SEMA3A: variants seen among roughly 807,000 people sequenced by gnomAD.
SEMA3A encodes the protein semaphorin-3A.
SEMA3A carries 29 observed loss-of-function variants against 97.9 expected under a neutral mutation model. That is an observed-to-expected ratio of 0.30 (90% CI 0.22 to 0.40). SEMA3A has a LOEUF of 0.40. Ranked by LOEUF, SEMA3A falls within the 10% of genes least tolerant of loss-of-function variation. SEMA3A has a pLI of 1.00. For synonymous variants in SEMA3A, 321 were observed against 323.7 expected (o/e 0.99, Z 0.09); for missense variants, 763 against 951.3 (o/e 0.80, Z 2.60).
intron 2 of SEMA3A, among the ~76,000 whole-genome samples, chr7:84,347,274 T>C (rs898425339): frequency 3.3e-5 from 5 of 152,138 alleles, no homozygotes; most frequent in African/African-American, 1.2e-4. Flanking sequence ...AGCTTTATTC[T>C]TAGTAGGGAA....
Position 84,445,093 on chromosome 7 carries a change from C to A in SEMA3A, c.-246+47367G>T, listed in dbSNP as rs191139234. On this transcript the variant is annotated intron_variant, in intron 1 of 3. Transcript: ENST00000424555. The stretch of plus-strand genomic sequence containing the variant: ...AAATTAATATAATTTTTTTCTGATG[C>A]AAATAAATTTTGAAATCCACATTTA... Among the ~76,000 whole-genome samples the A allele has an allele frequency of 7.0e-4, 106 of 152,092 alleles. 1 individual carries two copies. The highest frequency in any genetic ancestry group is 2.4e-3 in the African/African-American group (98 of 41,484).
At chr7:84,166,274 T>C (rs1019178368) in intron 1 of SEMA3A, among the ~76,000 whole-genome samples, 7 of 138,236 alleles carry the variant, frequency 5.1e-5, no homozygotes, top group South Asian at 2.2e-4. Context: ...TGGGACCCTG[T>C]GGAAAAAAAA....
At chr7:84,458,970 T>C (rs534282744) in intron 1 of SEMA3A, among the ~76,000 whole-genome samples, 5 of 152,188 alleles carry the variant, frequency 3.3e-5, no homozygotes, top group African/African-American at 7.2e-5. Context: ...CCTGCTACCC[T>C]TCTCAACCTC....
chr7:83,993,807 T>A (rs1337600794), intron 12 of SEMA3A, among the ~76,000 whole-genome samples: 1 of 128,526 alleles, frequency 7.8e-6, no homozygotes, highest in African/African-American at 3.0e-5. Context: ...GAGTTGCTCT[T>A]CTCGAGGAGT....
At chr7:84,481,587 C>T (rs1358888485) in intron 1 of SEMA3A, among the ~76,000 whole-genome samples, 2 of 152,058 alleles carry the variant, frequency 1.3e-5, no homozygotes, top group East Asian at 3.9e-4. Flanking sequence ...AATTGCAATA[C>T]TTTTTAATTT....
chr7:83,987,441 G>A (rs898336957), intron 12 of SEMA3A, among the ~76,000 whole-genome samples: 1 of 152,080 alleles, frequency 6.6e-6, no homozygotes, highest in Non-Finnish European at 1.5e-5. Flanking sequence ...TGTGACTCTT[G>A]CTTGTCTTTT....
intron 3 of SEMA3A, chr7:84,306,466 T>C (rs1300741540): frequency 6.6e-6 from 1 of 152,142 alleles, no homozygotes; most frequent in Non-Finnish European, 1.5e-5. Flanking sequence ...TCCCATACAA[T>C]ATAGATCTTC....
At chr7:84,325,381 C>T (rs188124252) in intron 2 of SEMA3A, among the ~76,000 whole-genome samples, 11 of 151,976 alleles carry the variant, frequency 7.2e-5, no homozygotes, top group East Asian at 3.9e-4. Context: ...TGTTTTAGAT[C>T]GGAAGGTCAG....
At chr7:84,095,139 G>T (rs998208250) in intron 4 of SEMA3A, among the ~76,000 whole-genome samples, 2 of 145,660 alleles carry the variant, frequency 1.4e-5, no homozygotes, top group Admixed American at 6.9e-5. Context: ...TATATATATT[G>T]CATATTATAT....
rs558196302 is a variant in SEMA3A at position 84,407,709 on chromosome 7, G to A, written c.-245-35809C>T. The stretch of plus-strand genomic sequence containing the variant: ...ACCAAAACAGAGATGTAGACCAATG[G>A]AACAGAATAGAGCCCTCAGAAATAA... On this transcript the variant is annotated intron_variant, in intron 1 of 3. Transcript: ENST00000424555. 7.9e-5 allele frequency among the ~76,000 whole-genome samples: 12 copies of A among 152,144 alleles called. No individual in the cohort carries two copies. In the East Asian group the frequency reaches 2.3e-3, roughly 29 times the overall value.
intron 4 of SEMA3A, among the ~76,000 whole-genome samples, chr7:84,094,772 G>A (rs1278902272): frequency 2.0e-5 from 3 of 151,968 alleles, no homozygotes; most frequent in Admixed American, 6.6e-5. Context: ...TTAATTGCCC[G>A]TTGAAATATT....
At chr7:84,213,354 C>T (rs1798677538) in intron 3 of SEMA3A, among the ~76,000 whole-genome samples, 1 of 152,086 alleles carries the variant, frequency 6.6e-6, no homozygotes, top group African/African-American at 2.4e-5. Flanking sequence ...TAATAGCTCA[C>T]TGCAGCCTCA....
At chr7:84,330,572 CTT>C (rs1179789832) in intron 2 of SEMA3A, among the ~76,000 whole-genome samples, 1 of 152,006 alleles carries the variant, frequency 6.6e-6, no homozygotes, top group Non-Finnish European at 1.5e-5. Context: ...ATTTTCATCT[CTT>C]ATCACTGGAA....
chr7:84,152,177 C>T (rs1409669506), intron 1 of SEMA3A, among the ~76,000 whole-genome samples: 1 of 151,432 alleles, frequency 6.6e-6, no homozygotes, highest in African/African-American at 2.4e-5. Context: ...TTTGACCCAG[C>T]CATCCCATTA....
intron 1 of SEMA3A, among the ~76,000 whole-genome samples, chr7:84,487,405 C>T (rs1423978301): frequency 1.3e-5 from 2 of 151,848 alleles, no homozygotes; most frequent in African/African-American, 2.4e-5. Flanking sequence ...TAGAAGTGTC[C>T]GCCAGCAATG....
rs1275768477 is a variant in SEMA3A at position 83,961,504 on chromosome 7, C to T, written c.2183G>A (p.Arg728Lys). Residue 728 changes from arginine to lysine, a missense_variant, in exon 17 of 17, where the codon AGG becomes AAG. Physicochemically the swap from Arg to Lys is conservative, Grantham distance 26. Coordinates refer to ENST00000265362, the MANE Select transcript of SEMA3A (RefSeq NM_006080.3). ...CCTTTGCCGACGTTGTTTTCGGTCC[C>T]TTTTCCAAACTTGTTCACAGAACTC... The part of the protein sequence containing the change: ...MDEFCEQVWK[R>K]DRKQRRQRPG... The T allele has an allele frequency of 6.2e-7, 1 of 1,614,020 alleles. No homozygotes were observed. The highest frequency in any genetic ancestry group is 8.5e-7 in the Non-Finnish European group (1 of 1,179,952).
intron 5 of SEMA3A, among the ~76,000 whole-genome samples, chr7:84,054,287 G>A (rs939982229): frequency 3.3e-5 from 5 of 152,252 alleles, no homozygotes; most frequent in African/African-American, 1.2e-4. Context: ...AAGTTCTCCT[G>A]GATAATATCC....
At position 84,343,077 on chromosome 7, in the gene SEMA3A, A is replaced by T. The variant is rs1052620974; in HGVS notation, c.-169+28747T>A. 2.0e-5 allele frequency among the ~76,000 whole-genome samples: 3 copies of T among 152,186 alleles called. No individual in the cohort carries two copies. The East Asian group carries it at 5.8e-4, about 29-fold the overall frequency. Reference sequence around the variant, plus strand: ...CATGTAGGCACTACTGTTACCACTAACATTCATAGACCAGAGTGTTCCAAA... The same window carrying T: ...CATGTAGGCACTACTGTTACCACTATCATTCATAGACCAGAGTGTTCCAAA... On this transcript the variant is annotated intron_variant, in intron 2 of 3. Coordinates refer to the SEMA3A transcript ENST00000424555.
intron 1 of SEMA3A, among the ~76,000 whole-genome samples, chr7:84,377,472 T>C (rs187410770): frequency 6.6e-6 from 1 of 152,316 alleles, no homozygotes; most frequent in Non-Finnish European, 1.5e-5. Context: ...TGTCTGTTTT[T>C]ATGCCAGCAC....
Sources: allele counts gnomAD v4.1 joint callset (sites outside exome capture counted in the v4.1 genomes callset), GRCh38; gene constraint gnomAD v4.1.1; transcripts MANE v1.5; gene names NCBI Gene and HGNC (gene_info 2026-07-23, HGNC 2026-07-21).